Variants in CAMTA1 observed in about 807,000 individuals in gnomAD.
CAMTA1 encodes calmodulin binding transcription activator 1.
CAMTA1 carries 27 observed loss-of-function variants against 170.9 expected under a neutral mutation model. The observed-to-expected ratio is 0.16, with a 90% CI of 0.12 to 0.22. The LOEUF (loss-of-function observed/expected upper bound fraction) is 0.22. Ranked by LOEUF, CAMTA1 falls within the 10% of genes least tolerant of loss-of-function variation. The pLI, the probability that CAMTA1 is intolerant of heterozygous loss-of-function variation, is 1.00. For synonymous variants in CAMTA1, 833 were observed against 891.5 expected (o/e 0.93, Z 1.17); for missense variants, 1,619 against 2,217.2 (o/e 0.73, Z 5.42).
At chr1:7,261,243 C>T (rs1345614593) in intron 5 of CAMTA1, among the ~76,000 whole-genome samples, 2 of 152,128 alleles carry the variant, frequency 1.3e-5, no homozygotes, top group Admixed American at 6.5e-5. Context: ...GTCGAGGATG[C>T]GTTTTTATTC....
intron 3 of CAMTA1, among the ~76,000 whole-genome samples, chr1:6,875,673 C>G (rs939426103): frequency 4.6e-5 from 7 of 152,118 alleles, no homozygotes; most frequent in African/African-American, 1.7e-4. Context: ...CCATGGAGGG[C>G]TCTGTCATAC....
intron 3 of CAMTA1, among the ~76,000 whole-genome samples, chr1:6,954,459 C>G (rs930130691): frequency 6.6e-6 from 1 of 152,192 alleles, no homozygotes; most frequent in Admixed American, 6.5e-5. Flanking sequence ...TTTCATTATC[C>G]AAAGTGGATC....
At chr1:7,761,306 T>G (rs1159429102) in intron 22 of CAMTA1, among the ~76,000 whole-genome samples, 1 of 152,234 alleles carries the variant, frequency 6.6e-6, no homozygotes, top group African/African-American at 2.4e-5. Context: ...ACAGCTCTCC[T>G]GAGGGCAGCA....
chr1:7,378,625 G>A (rs568509008), intron 5 of CAMTA1, among the ~76,000 whole-genome samples: 155 of 152,252 alleles, frequency 1.0e-3, no homozygotes, highest in African/African-American at 3.6e-3. Context: ...GGCTGCTTCA[G>A]GAGAATGGGG....
intron 4 of CAMTA1, among the ~76,000 whole-genome samples, chr1:7,161,319 C>T (rs1157075006): frequency 2.6e-5 from 4 of 152,162 alleles, no homozygotes; most frequent in African/African-American, 9.7e-5. Context: ...TGCTCATCCT[C>T]TAGTGCTCAG....
intron 5 of CAMTA1, among the ~76,000 whole-genome samples, chr1:7,431,958 G>C (rs2092179617): frequency 6.6e-6 from 1 of 152,204 alleles, no homozygotes; most frequent in East Asian, 1.9e-4. Flanking sequence ...ACCCCCGAAG[G>C]CAGCGACTGT....
In CAMTA1 at chr1:7,593,352, G is replaced by C. The variant is rs145136145; in HGVS notation, c.511-47048G>C. On this transcript the variant is annotated intron_variant, in intron 6 of 22. Coordinates refer to ENST00000303635, the MANE Select transcript of CAMTA1 (RefSeq NM_015215.4). ...AGAGTTGGTGACCCAGTGGGAAGAA[G>C]TAGATGATAAGCAAATAAACAAGAA... is the stretch of plus-strand genomic sequence containing the variant. Among the ~76,000 whole-genome samples, 456 of 152,264 alleles carry C rather than the reference G, an allele frequency of 3.0e-3. 3 individuals carry two copies. Among genetic ancestry groups the C allele is most frequent in the African/African-American group, 9.9e-3 (412 of 41,562 alleles).
At chr1:6,904,928 G>A (rs1012228339) in intron 3 of CAMTA1, among the ~76,000 whole-genome samples, 7 of 151,602 alleles carry the variant, frequency 4.6e-5, no homozygotes, top group Non-Finnish European at 1.0e-4. Context: ...TGAACACTCC[G>A]ACTCGCTGTG....
intron 6 of CAMTA1, among the ~76,000 whole-genome samples, chr1:7,480,966 C>G (rs1164305860): frequency 6.6e-6 from 1 of 152,184 alleles, no homozygotes; most frequent in Non-Finnish European, 1.5e-5. Flanking sequence ...AACTGCTCTT[C>G]CTCCTGCCTT....
chr1:7,581,793 G>C (rs1239220723), intron 6 of CAMTA1, among the ~76,000 whole-genome samples: 1 of 152,242 alleles, frequency 6.6e-6, no homozygotes, highest in African/African-American at 2.4e-5. Context: ...TGTTTCTGGA[G>C]TTCAAACAGC....
rs746050684 is a variant in CAMTA1 at position 7,579,232 on chromosome 1, C to G, written c.511-61168C>G. Among the ~76,000 whole-genome samples, 27 of 152,342 alleles carry G rather than the reference C, an allele frequency of 1.8e-4. 1 individual carries two copies. Among genetic ancestry groups the G allele is most frequent in the African/African-American group, 5.3e-4 (22 of 41,588 alleles). On this transcript the variant is annotated intron_variant, in intron 6 of 22. Coordinates refer to ENST00000303635, the MANE Select transcript of CAMTA1 (RefSeq NM_015215.4). ...AGTCCTCCTAGCCCTCATGCCCAAG[C>G]CTTTGGACACTTTGACCATTGCATG...
intron 3 of CAMTA1, among the ~76,000 whole-genome samples, chr1:6,954,717 G>C (rs918076469): frequency 6.6e-6 from 1 of 152,174 alleles, no homozygotes; most frequent in South Asian, 2.1e-4. Flanking sequence ...CTCAAGGACC[G>C]CGAGTGCCTT....
rs1358379606 is a variant in CAMTA1, at chr1:7,717,116, G to A, written c.2915-15332G>A. 2.0e-5 allele frequency among the ~76,000 whole-genome samples: 3 copies of A among 152,150 alleles called. No homozygotes were observed. The East Asian group carries it at 5.8e-4, about 29-fold the overall frequency. Reference sequence around the variant, plus strand: ...AATAGAATAGTCATTACCAGAGGCTGGGAATGGGGACGTCGGGGAGATGTT... The same window carrying A: ...AATAGAATAGTCATTACCAGAGGCTAGGAATGGGGACGTCGGGGAGATGTT... On this transcript the variant is annotated intron_variant, in intron 11 of 22. Transcript: ENST00000303635.
chr1:6,953,629 A>G (rs998208537), intron 3 of CAMTA1, among the ~76,000 whole-genome samples: 1 of 151,830 alleles, frequency 6.6e-6, no homozygotes, highest in Non-Finnish European at 1.5e-5. Context: ...CCTCCTTGTC[A>G]CCTCCTTATG....
intron 6 of CAMTA1, among the ~76,000 whole-genome samples, chr1:7,605,218 C>T (rs1339093872): frequency 1.3e-5 from 2 of 152,238 alleles, no homozygotes; most frequent in African/African-American, 2.4e-5. Context: ...AGCTGTCAGA[C>T]AGGGACATTT....
At chr1:7,499,211 G>A (rs1352587810) in intron 6 of CAMTA1, among the ~76,000 whole-genome samples, 2 of 134,286 alleles carry the variant, frequency 1.5e-5, no homozygotes, top group East Asian at 2.3e-4. Context: ...TGATCCTGGT[G>A]TGCATGTGTA....
At chr1:7,376,911 C>T (rs2086882644) in intron 5 of CAMTA1, among the ~76,000 whole-genome samples, 1 of 152,182 alleles carries the variant, frequency 6.6e-6, no homozygotes, top group Non-Finnish European at 1.5e-5. Flanking sequence ...CAGCCTGTGT[C>T]CAAAGGCTCT....
chr1:7,148,205 GACAC>G (rs767996332), intron 4 of CAMTA1, among the ~76,000 whole-genome samples: 3 of 137,486 alleles, frequency 2.2e-5, no homozygotes, highest in Non-Finnish European at 3.1e-5. Context: ...GCACCATGTA[GACAC>G]ACACTCATAC....
chr1:7,407,689 A>G (rs1486445467), intron 5 of CAMTA1, among the ~76,000 whole-genome samples: 1 of 152,096 alleles, frequency 6.6e-6, no homozygotes, highest in Non-Finnish European at 1.5e-5. Flanking sequence ...CGTCCAACGC[A>G]CTGGGGATGC....
Sources: allele counts gnomAD v4.1 joint callset (sites outside exome capture counted in the v4.1 genomes callset), GRCh38; gene constraint gnomAD v4.1.1; transcripts MANE v1.5; gene names NCBI Gene and HGNC (gene_info 2026-07-23, HGNC 2026-07-21).